TOGARAM1: variants seen among roughly 807,000 people sequenced by gnomAD.
The protein encoded by TOGARAM1 is TOG array regulator of axonemal microtubules protein 1.
Under a neutral mutation model 166.6 loss-of-function variants are expected in TOGARAM1, and 100 were observed. That is an observed-to-expected ratio of 0.60 (90% confidence interval 0.51 to 0.71). TOGARAM1 has a LOEUF of 0.71. Ranked by LOEUF, TOGARAM1 falls within the 30% of genes least tolerant of loss-of-function variation. The pLI, the probability that TOGARAM1 is intolerant of heterozygous loss-of-function variation, is 0.00. For synonymous variants in TOGARAM1, 758 were observed against 763.8 expected, an observed-to-expected ratio of 0.99 and a Z score of 0.13; for missense variants, 2,029 against 2,102.7, an observed-to-expected ratio of 0.96 and a Z score of 0.69.
chr14:44,991,499 T>C (rs376758980), intron 1 of TOGARAM1, among the ~76,000 whole-genome samples: 6 of 152,194 alleles, frequency 3.9e-5, no homozygotes, highest in African/African-American at 1.4e-4. Context: ...AGATAATTTA[T>C]GTCCTTGGAC....
intron 6 of TOGARAM1, among the ~76,000 whole-genome samples, chr14:45,009,944 C>T (rs1038274768): frequency 6.6e-6 from 1 of 152,108 alleles, no homozygotes; most frequent in Non-Finnish European, 1.5e-5. Flanking sequence ...AAACAGTTTT[C>T]CAAAATGATT....
intron 13 of TOGARAM1, among the ~76,000 whole-genome samples, chr14:45,045,501 A>T: frequency 7.5e-6 from 1 of 133,076 alleles, no homozygotes; most frequent in South Asian, 2.4e-4. Flanking sequence ...GACACTATTT[A>T]ATTCATTTTA....
intron 8 of TOGARAM1, 33 bp downstream of exon 8, chr14:45,025,905 T>A (rs777180781): frequency 8.8e-7 from 1 of 1,135,512 alleles, no homozygotes; most frequent in Non-Finnish European, 1.3e-6. Context: ...CTTAATTATA[T>A]GTATTCATCA....
intron 7 of TOGARAM1, among the ~76,000 whole-genome samples, chr14:45,013,723 A>T (rs1394508308): frequency 6.6e-6 from 1 of 152,176 alleles, no homozygotes; most frequent in Non-Finnish European, 1.5e-5. Flanking sequence ...AAGGGGAGAG[A>T]GTGACCCAAA....
intron 1 of TOGARAM1, among the ~76,000 whole-genome samples, chr14:44,979,031 T>TA (rs201855402): frequency 3.7e-4 from 51 of 138,172 alleles, no homozygotes; most frequent in African/African-American, 8.6e-4. Context: ...AAATAACAGA[T>TA]AAAAAAAAAA....
At chr14:45,051,127 G>A (rs1189920254) in intron 14 of TOGARAM1, among the ~76,000 whole-genome samples, 3 of 152,170 alleles carry the variant, frequency 2.0e-5, no homozygotes, top group African/African-American at 7.2e-5. Flanking sequence ...ATTATGCTAA[G>A]ATGATTATTT....
At chr14:44,988,144 T>C (rs904140030) in intron 1 of TOGARAM1, among the ~76,000 whole-genome samples, 2 of 149,774 alleles carry the variant, frequency 1.3e-5, no homozygotes, top group African/African-American at 2.5e-5. Context: ...TTAGGAGATA[T>C]ACCTAATGTA....
intron 18 of TOGARAM1, 121 bp from the exon 19 acceptor site, chr14:45,071,591 T>C: frequency 1.8e-6 from 1 of 563,326 alleles, no homozygotes. Flanking sequence ...TGTAGATTTT[T>C]AAAGTGTTAT....
intron 1 of TOGARAM1, among the ~76,000 whole-genome samples, chr14:44,980,631 A>G (rs1246903002): frequency 6.6e-6 from 1 of 152,182 alleles, no homozygotes; most frequent in African/African-American, 2.4e-5. Context: ...GAGTGAACCC[A>G]GATGGTGCCA....
Position 44,962,370 on chromosome 14 carries a change from C to A in TOGARAM1, c.-52C>A, listed in dbSNP as rs146653759. The A allele has an allele frequency of 0.014, 20,655 of 1,499,788 alleles. 173 individuals are homozygous for A. The highest frequency in any genetic ancestry group is 0.016 in the Non-Finnish European group (18,487 of 1,131,156). The allele number at this position is 1,499,788 out of a possible 1,614,324, so 92.9% of individuals were successfully genotyped here. A position where few individuals can be genotyped will look rare whatever the true frequency, so the allele number is the denominator to read the frequency against. Reference sequence around the variant, plus strand: ...TCTGGAAGTCTGGGCTCCATCGAGCCCTTTGGAGACGGCAATGGTTTCTTC... The same window carrying A: ...TCTGGAAGTCTGGGCTCCATCGAGCACTTTGGAGACGGCAATGGTTTCTTC... On this transcript the variant is annotated 5_prime_UTR_variant, in exon 1 of 20. Coordinates refer to ENST00000361462, the MANE Select transcript of TOGARAM1 (RefSeq NM_001308120.2).
At chr14:45,033,018 G>A (rs2138922150) in intron 11 of TOGARAM1, among the ~76,000 whole-genome samples, 1 of 152,274 alleles carries the variant, frequency 6.6e-6, no homozygotes, top group Admixed American at 6.5e-5. Context: ...TTGGGAGGGT[G>A]AGGTGGGCAG....
intron 19 of TOGARAM1, 60 bp downstream of exon 19, chr14:45,071,858 GT>G: frequency 7.7e-7 from 1 of 1,295,434 alleles, no homozygotes; most frequent in Non-Finnish European, 1.1e-6. Context: ...CTGATAAACT[GT>G]TTCAATTTAA....
At chr14:45,003,549 G>T (rs950103118) in intron 3 of TOGARAM1, among the ~76,000 whole-genome samples, 2 of 152,044 alleles carry the variant, frequency 1.3e-5, no homozygotes, top group African/African-American at 4.8e-5. Context: ...TCATTGAAGT[G>T]ATCTTTTTAA....
At chr14:45,012,284 T>G (rs1023488767) in intron 7 of TOGARAM1, among the ~76,000 whole-genome samples, 1 of 152,164 alleles carries the variant, frequency 6.6e-6, no homozygotes, top group African/African-American at 2.4e-5. Context: ...TCAATCTCTT[T>G]TAAAGCTCAA....
rs1372988905 is a variant in TOGARAM1 at position 44,964,272 on chromosome 14, C to A, written c.1851C>A (p.Asn617Lys). ...GADTDWLLAG[N>K]RTQSAHCHCG... ...ATACGGACTGGCTTTTGGCTGGTAA[C>A]AGAACTCAGAGTGCACACTGTCACT... The change falls in exon 1 of 20, where the codon AAC becomes AAA. Residue 617 changes from asparagine to lysine, a missense_variant. By Grantham distance (94) the Asn-to-Lys change is moderately conservative (BLOSUM62 0). Coordinates refer to ENST00000361462, the MANE Select transcript of TOGARAM1 (RefSeq NM_001308120.2). The A allele has an allele frequency of 1.9e-6, 3 of 1,613,956 alleles. No homozygotes were observed. The highest frequency in any genetic ancestry group is 1.7e-5 in the Admixed American group (1 of 60,000).
intron 16 of TOGARAM1, among the ~76,000 whole-genome samples, chr14:45,066,212 G>A (rs557279614): frequency 6.6e-6 from 1 of 152,236 alleles, no homozygotes; most frequent in South Asian, 2.1e-4. Context: ...CATTGCTGAA[G>A]GAATTGTGTT....
chr14:44,992,072 TAAAAAAAA>T (rs71108676), intron 1 of TOGARAM1, among the ~76,000 whole-genome samples: 2 of 37,950 alleles, frequency 5.3e-5, no homozygotes, highest in East Asian at 1.1e-3. Context: ...CCCTGTCTGT[TAAAAAAAA>T]AAAAAAAAAA....
At chr14:45,018,960 G>T (rs1231241691) in intron 7 of TOGARAM1, among the ~76,000 whole-genome samples, 2 of 152,042 alleles carry the variant, frequency 1.3e-5, no homozygotes, top group Non-Finnish European at 2.9e-5. Context: ...ACATCTTTTA[G>T]CCAGAAGTTA....
At chr14:45,066,375 C>T (rs558072678) in intron 16 of TOGARAM1, among the ~76,000 whole-genome samples, 2 of 152,076 alleles carry the variant, frequency 1.3e-5, no homozygotes, top group East Asian at 1.9e-4. Flanking sequence ...CTAACTCTTA[C>T]GAGTCTTCCT....
Sources: gnomAD v4.1 joint callset for allele counts (sites outside exome capture counted in the v4.1 genomes callset) on GRCh38, gnomAD v4.1.1 for gene constraint, MANE v1.5 for transcripts, NCBI Gene and HGNC (gene_info 2026-07-23, HGNC 2026-07-21) for gene names.